Variants in TSPEAR observed in about 807,000 individuals in gnomAD.
The protein encoded by TSPEAR is thrombospondin-type laminin G domain and EAR repeat-containing protein.
Under a neutral mutation model 71.6 loss-of-function variants are expected in TSPEAR, and 69 were observed. That is an observed-to-expected ratio of 0.96 (90% confidence interval 0.79 to 1.18). The LOEUF (loss-of-function observed/expected upper bound fraction) is 1.18. TSPEAR is among the 50% of genes most tolerant of loss of function. The probability of loss-of-function intolerance (pLI) is 0.00; values close to 1 mark genes in which losing one functional copy is unlikely to be tolerated. For missense variants in TSPEAR, 971 were observed against 894.9 expected (o/e 1.09, Z -1.09); for synonymous variants, 402 against 387.2 (o/e 1.04, Z -0.45).
At chr21:44,584,757 T>A (rs1264006992) in intron 1 of TSPEAR, among the ~76,000 whole-genome samples, 1 of 152,228 alleles carries the variant, frequency 6.6e-6, no homozygotes, top group Non-Finnish European at 1.5e-5. Flanking sequence ...TGAAGGCTGA[T>A]GATATACACC....
intron 1 of TSPEAR, among the ~76,000 whole-genome samples, chr21:44,609,196 C>T (rs1208177634): frequency 3.3e-5 from 5 of 152,144 alleles, no homozygotes; most frequent in Non-Finnish European, 2.9e-5. Context: ...GAGGGACTAA[C>T]AAAGAGATAG....
intron 1 of TSPEAR, among the ~76,000 whole-genome samples, chr21:44,704,244 A>ACC (rs1219564128): frequency 3.5e-5 from 4 of 113,336 alleles, no homozygotes; most frequent in African/African-American, 3.7e-5. Context: ...TTCCCTGGGT[A>ACC]CCCCACCCCC....
At chr21:44,668,928 ATTT>A (rs1370389181) in intron 1 of TSPEAR, among the ~76,000 whole-genome samples, 71 of 152,302 alleles carry the variant, frequency 4.7e-4, no homozygotes, top group African/African-American at 1.6e-3. Context: ...AATTGAAACT[ATTT>A]TTTAAATGGG....
intron 4 of TSPEAR, among the ~76,000 whole-genome samples, chr21:44,530,481 A>G (rs1162081230): frequency 6.6e-6 from 1 of 151,266 alleles, no homozygotes; most frequent in African/African-American, 2.4e-5. Context: ...CCATCCATCC[A>G]TTCATCTTTC....
chr21:44,525,914 A>C lies in TSPEAR; in HGVS notation c.1150-75T>G. On this transcript the variant is annotated intron_variant, in intron 7 of 11. Transcript: ENST00000323084. ...GCGGCCTGGTTTCTGAAGGCTTCTG[A>C]ACATCAGCATCTCTCTCCAGATCCA... is the stretch of plus-strand genomic sequence containing the variant. The C allele has an allele frequency of 2.1e-6, 3 of 1,431,344 alleles. No homozygotes were observed. In the South Asian group the frequency reaches 3.6e-5, roughly 17 times the overall value. The allele number at this position is 1,431,344 out of a possible 1,614,324, so 88.7% of individuals were successfully genotyped here. A position where few individuals can be genotyped will look rare whatever the true frequency, so the allele number is the denominator to read the frequency against.
intron 1 of TSPEAR, chr21:44,611,971 C>T: frequency 2.1e-6 from 2 of 968,710 alleles, no homozygotes; most frequent in East Asian, 2.4e-5. Context: ...TCAGCCACAA[C>T]AAGGAAAGGG....
intron 11 of TSPEAR, among the ~76,000 whole-genome samples, chr21:44,501,768 C>T (rs1463679701): frequency 2.0e-5 from 3 of 151,834 alleles, no homozygotes; most frequent in East Asian, 3.9e-4. Context: ...CTGTCCCCCC[C>T]AAAAAATAAA....
intron 2 of TSPEAR, among the ~76,000 whole-genome samples, chr21:44,545,047 C>A (rs587613398): frequency 9.8e-4 from 148 of 151,400 alleles, no homozygotes; most frequent in African/African-American, 3.5e-3. Context: ...AGGCCAGGCG[C>A]GGTGGCTCAC....
chr21:44,551,027 G>C (rs382226), intron 2 of TSPEAR: 1 of 1,611,724 alleles, frequency 6.2e-7, no homozygotes, highest in Non-Finnish European at 8.5e-7. Flanking sequence ...CTTTGCAGCA[G>C]ACAGGCACAC....
intron 1 of TSPEAR, among the ~76,000 whole-genome samples, chr21:44,651,407 T>A (rs1428131230): frequency 6.6e-6 from 1 of 152,266 alleles, no homozygotes; most frequent in East Asian, 1.9e-4. Flanking sequence ...GAATGGATCA[T>A]CTCATAGCAG....
Position 44,647,211 on chromosome 21 carries a change from G to T in TSPEAR, c.82+64222C>A, listed in dbSNP as rs200871348. 2.5e-6 allele frequency: 4 copies of T among 1,613,206 alleles called. No individual in the cohort carries two copies. The African/African-American group carries it at 5.4e-5, about 22-fold the overall frequency. ...CCGTGTGCAGGTCCACCTGCTGTGT[G>T]CCCGTCTCCTCCTGCTGTGCCCCCA... On this transcript the variant is annotated intron_variant, in intron 1 of 11. Coordinates refer to ENST00000323084, the MANE Select transcript of TSPEAR (RefSeq NM_144991.3).
intron 1 of TSPEAR, chr21:44,690,402 G>C (rs1216692410): frequency 3.7e-6 from 1 of 267,706 alleles, no homozygotes; most frequent in East Asian, 1.8e-4. Context: ...CTGTTGAAAT[G>C]ATATAACATC....
At chr21:44,587,879 A>G (rs1356692048) in intron 1 of TSPEAR, among the ~76,000 whole-genome samples, 5 of 152,258 alleles carry the variant, frequency 3.3e-5, no homozygotes, top group African/African-American at 1.2e-4. Flanking sequence ...TCAACTCAAG[A>G]TGGATCAAGG....
chr21:44,701,203 G>A lies in TSPEAR; in HGVS notation c.82+10230C>T, dbSNP rs73909240. Among the ~76,000 whole-genome samples the A allele has an allele frequency of 6.2e-3, 945 of 152,330 alleles. 11 individuals are homozygous for A. Among genetic ancestry groups the A allele is most frequent in the African/African-American group, 0.022 (896 of 41,548 alleles). On this transcript the variant is annotated intron_variant, in intron 1 of 11. Transcript: ENST00000323084. The stretch of plus-strand genomic sequence containing the variant: ...TCCATAGGGACAGCGCGGAGTGGTC[G>A]GGCCGGGGTGCCCAGAGCTCCCACC...
rs370407460 is a variant in TSPEAR, at chr21:44,697,465, T to C, written c.82+13968A>G. On this transcript the variant is annotated intron_variant, in intron 1 of 11. Transcript: ENST00000323084. ...GCACGCCCTCGTGCTGCCAGCAGTC[T>C]AGCTGCCAGCCGGCTTGCTGCACCT... is the stretch of plus-strand genomic sequence containing the variant. The C allele has an allele frequency of 2.5e-3, 3,957 of 1,614,070 alleles. 21 individuals carry two copies. Among genetic ancestry groups the C allele is most frequent in the South Asian group, 0.012 (1,114 of 91,080 alleles).
chr21:44,654,666 T>C, intron 1 of TSPEAR: 1 of 1,308,382 alleles, frequency 7.6e-7, no homozygotes, highest in Non-Finnish European at 1.0e-6. Context: ...GTCTGGAGCC[T>C]GCTTCCTTAG....
intron 1 of TSPEAR, among the ~76,000 whole-genome samples, chr21:44,644,856 A>G (rs1984221183): frequency 6.6e-6 from 1 of 152,210 alleles, no homozygotes; most frequent in African/African-American, 2.4e-5. Flanking sequence ...CACTGAAAGT[A>G]AAATAATGCA....
intron 1 of TSPEAR, among the ~76,000 whole-genome samples, chr21:44,640,662 A>ATCC (rs1983974268): frequency 6.6e-6 from 1 of 152,254 alleles, no homozygotes; most frequent in East Asian, 1.9e-4. Context: ...GCAGTGATAG[A>ATCC]AAATGGAGGC....
At chr21:44,607,430 C>T (rs587685006) in intron 1 of TSPEAR, among the ~76,000 whole-genome samples, 2 of 152,134 alleles carry the variant, frequency 1.3e-5, no homozygotes, top group South Asian at 4.2e-4. Context: ...CACATTATAC[C>T]TAGTAAATAC....
Sources: allele counts gnomAD v4.1 joint callset (sites outside exome capture counted in the v4.1 genomes callset), GRCh38; gene constraint gnomAD v4.1.1; transcripts MANE v1.5; gene names NCBI Gene and HGNC (gene_info 2026-07-23, HGNC 2026-07-21).